PLCH1: variants seen among roughly 807,000 people sequenced by gnomAD.
The protein encoded by PLCH1 is phospholipase C eta 1, also known as 1-phosphatidylinositol 4,5-bisphosphate phosphodiesterase eta-1.
In PLCH1, 60 loss-of-function variants were observed where a neutral mutation model predicts 126.7. That is an observed-to-expected ratio of 0.47 (90% CI 0.38 to 0.59). PLCH1 has a LOEUF of 0.59. Ranked by LOEUF, PLCH1 falls within the 20% of genes least tolerant of loss-of-function variation. PLCH1 has a pLI of 0.00. For missense variants in PLCH1, 1,723 were observed against 2,040.0 expected, an observed-to-expected ratio of 0.84 and a Z score of 2.99; for synonymous variants, 719 against 734.9, an observed-to-expected ratio of 0.98 and a Z score of 0.35.
intron 2 of PLCH1, among the ~76,000 whole-genome samples, chr3:155,618,318 C>T (rs1455628157): frequency 6.6e-6 from 1 of 151,984 alleles, no homozygotes; most frequent in Non-Finnish European, 1.5e-5. Flanking sequence ...AAAATATCAC[C>T]CATTTTTCTG....
At chr3:155,679,638 G>A (rs1744356149) in intron 2 of PLCH1, among the ~76,000 whole-genome samples, 1 of 152,124 alleles carries the variant, frequency 6.6e-6, no homozygotes, top group South Asian at 2.1e-4. Flanking sequence ...AAAACATGGT[G>A]CATATCTGCC....
intron 1 of PLCH1, among the ~76,000 whole-genome samples, chr3:155,730,372 C>T (rs1748682365): frequency 6.6e-6 from 1 of 152,006 alleles, no homozygotes; most frequent in Admixed American, 6.5e-5. Flanking sequence ...ACCTCCGCCT[C>T]CTGGGTTTAA....
chr3:155,566,174 C>A lies in PLCH1; in HGVS notation c.866-1056G>T, dbSNP rs546086283. 7.8e-4 allele frequency among the ~76,000 whole-genome samples: 38 copies of A among 48,964 alleles called. 4 individuals carry two copies. The highest frequency in any genetic ancestry group is 1.7e-3 in the African/African-American group (36 of 21,014). 32.1% of individuals were successfully genotyped at this position (48,964 alleles called of 152,430 possible). On this transcript the variant is annotated intron_variant, in intron 7 of 22. Transcript: ENST00000460012. ...ACATATATACACATACATATATACA[C>A]ATATATACACATATATATACACATA...
chr3:155,567,426 A>C (rs1224483419), intron 7 of PLCH1, among the ~76,000 whole-genome samples: 2 of 152,246 alleles, frequency 1.3e-5, no homozygotes, highest in East Asian at 3.9e-4. Flanking sequence ...CCACCACAGG[A>C]AGTAAATAGA....
intron 8 of PLCH1, among the ~76,000 whole-genome samples, chr3:155,564,678 A>G (rs1024286846): frequency 6.6e-6 from 1 of 152,224 alleles, no homozygotes; most frequent in Non-Finnish European, 1.5e-5. Context: ...TTTCATCATA[A>G]TTTCTCAGCA....
rs746764472 is a variant in PLCH1, at chr3:155,488,088, C to T, written c.2559G>A (p.Leu853=). The change falls in exon 21 of 23, where the codon TTG becomes TTA. Residue 853 remains leucine, a synonymous_variant. Transcript: ENST00000460012. ...ATATGGATGCTTCTGTCAGTCCTTC[C>T]AAATAGACATGCCGGTAGCCTGATA... ...SLVPGYRHVY[L]EGLTEASIFV... 6.2e-7 allele frequency: 1 copy of T among 1,607,034 alleles called. No individual in the cohort carries two copies. The highest frequency in any genetic ancestry group is 8.5e-7 in the Non-Finnish European group (1 of 1,173,572).
rs1296433267 is a variant in PLCH1 at position 155,494,475 on chromosome 3, T to C, written c.1937A>G (p.His646Arg). ...NVLSFSETRA[H>R]QVVQQKSEQF... ...CTCTGATTTTTGCTGAACAACCTGATGTGCTCTTGTTTCACTGAATGATAA... is the reference window on the plus strand; with the variant it reads ...CTCTGATTTTTGCTGAACAACCTGACGTGCTCTTGTTTCACTGAATGATAA... Residue 646 changes from histidine to arginine, a missense_variant, in exon 16 of 23, where the codon CAT (histidine) becomes CGT (arginine). By Grantham distance (29) the His-to-Arg change is conservative. This residue lies in a region of PLCH1 where 776 missense variants were observed against 1,062.9 expected (regional missense o/e 0.73). Transcript: ENST00000460012. The C allele has an allele frequency of 8.1e-6, 13 of 1,614,160 alleles. No homozygotes were observed. Among genetic ancestry groups the C allele is most frequent in the Non-Finnish European group, 1.1e-5 (13 of 1,179,978 alleles).
chr3:155,719,407 C>T (rs1015255519), intron 1 of PLCH1, among the ~76,000 whole-genome samples: 1 of 152,006 alleles, frequency 6.6e-6, no homozygotes, highest in South Asian at 2.1e-4. Context: ...AGGAGATATA[C>T]CTAATGTAAA....
chr3:155,685,596 T>G (rs1355238625), intron 2 of PLCH1, among the ~76,000 whole-genome samples: 1 of 152,196 alleles, frequency 6.6e-6, no homozygotes, highest in East Asian at 1.9e-4. Flanking sequence ...AAGACTTCAA[T>G]TCAAATCCTG....
intron 2 of PLCH1, among the ~76,000 whole-genome samples, chr3:155,598,486 A>C (rs1733284024): frequency 6.6e-6 from 1 of 152,228 alleles, no homozygotes; most frequent in South Asian, 2.1e-4. Context: ...ACAGATGTTT[A>C]TAGACAAACT....
chr3:155,631,844 G>C (rs983734587), intron 2 of PLCH1, among the ~76,000 whole-genome samples: 1 of 151,542 alleles, frequency 6.6e-6, no homozygotes, highest in Non-Finnish European at 1.5e-5. Context: ...TGGACATTTA[G>C]GCACTAGTGG....
At chr3:155,616,786 T>C (rs987459985) in intron 2 of PLCH1, among the ~76,000 whole-genome samples, 4 of 152,146 alleles carry the variant, frequency 2.6e-5, no homozygotes, top group Admixed American at 2.6e-4. Flanking sequence ...TTTGCTTTTT[T>C]GAAATCTTTG....
Position 155,540,584 on chromosome 3 carries a change from C to T in PLCH1, c.1362+9203G>A, listed in dbSNP as rs186909012. On this transcript the variant is annotated intron_variant, in intron 10 of 22. Transcript: ENST00000460012. ...ATACCATCAAAAAGTAGGCTAAGGA[C>T]ATGAATAGACAATTCTCAAAAAAAG... Among the ~76,000 whole-genome samples the T allele has an allele frequency of 4.0e-3, 608 of 152,112 alleles. 2 individuals carry two copies. The highest frequency in any genetic ancestry group is 0.014 in the African/African-American group (579 of 41,524).
At chr3:155,656,166 A>ACC (rs11379639) in intron 2 of PLCH1, among the ~76,000 whole-genome samples, 2,436 of 148,222 alleles carry the variant, frequency 0.016, 27 homozygotes, top group Middle Eastern at 0.059. Flanking sequence ...AGAGAAAATT[A>ACC]CCCCCCCCCA....
At chr3:155,737,874 A>G (rs1313376114) in intron 1 of PLCH1, among the ~76,000 whole-genome samples, 1 of 152,138 alleles carries the variant, frequency 6.6e-6, no homozygotes, top group Non-Finnish European at 1.5e-5. Flanking sequence ...AAGCCTCTTC[A>G]ACTTAATTGA....
At chr3:155,614,286 G>GA (rs1261609597) in intron 2 of PLCH1, among the ~76,000 whole-genome samples, 15 of 150,290 alleles carry the variant, frequency 1.0e-4, no homozygotes, top group African/African-American at 2.0e-4. Flanking sequence ...CACAGAACTA[G>GA]AAAAAAAAAT....
At chr3:155,665,290 T>A (rs1175948815) in intron 2 of PLCH1, among the ~76,000 whole-genome samples, 1 of 152,152 alleles carries the variant, frequency 6.6e-6, no homozygotes, top group East Asian at 1.9e-4. Context: ...GCCACTGAGA[T>A]AGCTTTATCT....
chr3:155,459,498 A>C (rs190449769), intron 21 of PLCH1, among the ~76,000 whole-genome samples: 1 of 152,246 alleles, frequency 6.6e-6, no homozygotes, highest in Non-Finnish European at 1.5e-5. Context: ...CTGGATTCAC[A>C]ATGTAAATTA....
intron 12 of PLCH1, among the ~76,000 whole-genome samples, chr3:155,510,239 C>T (rs1272962109): frequency 9.3e-6 from 1 of 108,054 alleles, no homozygotes; most frequent in Non-Finnish European, 1.8e-5. Context: ...TATTTTGAGC[C>T]TATGTGTGTC....
Sources: gnomAD v4.1 joint callset for allele counts (sites outside exome capture counted in the v4.1 genomes callset) on GRCh38, gnomAD v4.1.1 for gene constraint, gnomAD v4.1.1 regional missense constraint, MANE v1.5 for transcripts, NCBI Gene and HGNC (gene_info 2026-07-23, HGNC 2026-07-21) for gene names.